Variants in PCDHGA3 observed in about 807,000 individuals in gnomAD.
PCDHGA3 encodes protocadherin gamma-A3.
A neutral mutation model predicts 58.5 loss-of-function variants in PCDHGA3; 40 were observed. That is an observed-to-expected ratio of 0.68 (90% CI 0.53 to 0.89). The LOEUF (loss-of-function observed/expected upper bound fraction) is 0.89. Among genes scored for constraint, PCDHGA3 ranks in the 40% least tolerant of loss-of-function variants. The probability of loss-of-function intolerance (pLI) is 0.00; values close to 1 mark genes in which losing one functional copy is unlikely to be tolerated. For synonymous variants in PCDHGA3, 530 were observed against 525.7 expected (o/e 1.01, Z -0.11); for missense variants, 1,223 against 1,195.9 (o/e 1.02, Z -0.33).
chr5:141,447,449 C>A (rs2098539583), intron 1 of PCDHGA3, among the ~76,000 whole-genome samples: 1 of 152,058 alleles, frequency 6.6e-6, no homozygotes, highest in Non-Finnish European at 1.5e-5. Flanking sequence ...AAATTTTTAA[C>A]CTCAGTTTTT....
chr5:141,358,797 C>A (rs1198975953), intron 1 of PCDHGA3, among the ~76,000 whole-genome samples: 2 of 152,182 alleles, frequency 1.3e-5, no homozygotes, highest in Admixed American at 6.5e-5. Context: ...GGGTTCTGGA[C>A]TGATATGATT....
chr5:141,505,528 C>T (rs746609783), intron 3 of PCDHGA3, 47 bp downstream of exon 3: 4 of 1,612,320 alleles, frequency 2.5e-6, no homozygotes, highest in Non-Finnish European at 3.4e-6. Context: ...ACCTGGGGTT[C>T]TGGGGTGCAT....
At chr5:141,414,481 C>T (rs1011579090) in intron 1 of PCDHGA3, 2 of 1,613,948 alleles carry the variant, frequency 1.2e-6, no homozygotes, top group Non-Finnish European at 1.7e-6. Context: ...AAGTCCTCCT[C>T]TATCAACGGA....
chr5:141,418,669 C>G, intron 1 of PCDHGA3: 1 of 1,614,018 alleles, frequency 6.2e-7, no homozygotes, highest in Non-Finnish European at 8.5e-7. Flanking sequence ...CTGACCAGGA[C>G]GAGGGCATCA....
At chr5:141,484,866 C>T in intron 1 of PCDHGA3, 1 of 275,618 alleles carries the variant, frequency 3.6e-6, no homozygotes, top group Non-Finnish European at 6.8e-6. Flanking sequence ...GGTGGGGGAG[C>T]GTGGAGGATA....
At chr5:141,503,902 C>T (rs552180745) in intron 2 of PCDHGA3, among the ~76,000 whole-genome samples, 7 of 152,328 alleles carry the variant, frequency 4.6e-5, no homozygotes, top group African/African-American at 1.7e-4. Context: ...AATATGCACA[C>T]ACACAACGCA....
At chr5:141,351,644 C>A (rs2149763942) in intron 1 of PCDHGA3, 1 of 1,614,060 alleles carries the variant, frequency 6.2e-7, no homozygotes, top group South Asian at 1.1e-5. Context: ...TGAGAACAAC[C>A]CACCTGGCGC....
chr5:141,487,933 A>ACCCTGTG lies in PCDHGA3; in HGVS notation c.2425-6873_2425-6872insCCTGTGC. 1.6e-6 allele frequency: 1 copy of ACCCTGTG among 612,004 alleles called. No individual in the cohort carries two copies. The highest frequency in any genetic ancestry group is 1.8e-5 in the African/African-American group (1 of 54,216). The allele number at this position is 612,004 out of a possible 1,614,324, so 37.9% of individuals were successfully genotyped here. On this transcript the variant is annotated intron_variant, in intron 1 of 3. Coordinates refer to ENST00000253812, the MANE Select transcript of PCDHGA3 (RefSeq NM_018916.4). The surrounding 1 kb of genome is among the most constrained non-coding windows in gnomAD (Gnocchi z 5.0). ...CACAGGAGGCTACAGTGCACAGGGT[A>ACCCTGTG]CAGTGCACCAGGCAGTCACTTGGAC... is the stretch of plus-strand genomic sequence containing the variant.
chr5:141,478,726 G>A, intron 1 of PCDHGA3: 2 of 1,540,996 alleles, frequency 1.3e-6, no homozygotes, highest in Non-Finnish European at 1.8e-6. Context: ...GCCTGCCAGA[G>A]TGTGGTTTGT....
intron 1 of PCDHGA3, chr5:141,364,370 C>G: frequency 6.4e-7 from 1 of 1,570,908 alleles, no homozygotes; most frequent in South Asian, 1.2e-5. Flanking sequence ...CGGAGAGCTG[C>G]TGCTGCCCTT....
chr5:141,385,870 A>G (rs2150302172), intron 1 of PCDHGA3: 1 of 153,178 alleles, frequency 6.5e-6, no homozygotes, highest in African/African-American at 2.4e-5. Flanking sequence ...AGAAGGTTGG[A>G]TTTATGCCTA....
rs1561856520 is a variant in PCDHGA3 at position 141,431,983 on chromosome 5, A to C, written c.2425-62824A>C. 3.1e-6 allele frequency: 5 copies of C among 1,614,242 alleles called. No homozygotes were observed. Among genetic ancestry groups the C allele is most frequent in the Non-Finnish European group, 4.2e-6 (5 of 1,180,036 alleles). ...ATTACTATAGTTTAGTCACAGACAT[A>C]GTCTTGGATAGGGAACAGGTTCCTA... On this transcript the variant is annotated intron_variant, in intron 1 of 3. Coordinates refer to ENST00000253812, the MANE Select transcript of PCDHGA3 (RefSeq NM_018916.4). The surrounding 1 kb of genome is among the most constrained non-coding windows in gnomAD (Gnocchi z 4.8).
chr5:141,381,725 G>T (rs568567698), intron 1 of PCDHGA3, among the ~76,000 whole-genome samples: 1 of 151,768 alleles, frequency 6.6e-6, no homozygotes, highest in Admixed American at 6.6e-5. Flanking sequence ...AAGACTGGGA[G>T]TGAGAATATT....
intron 1 of PCDHGA3, among the ~76,000 whole-genome samples, chr5:141,472,980 C>CAAAAAAAAAAAAAAAAGAAAAAAA (rs2099308501): frequency 2.3e-5 from 2 of 86,104 alleles, no homozygotes; most frequent in African/African-American, 7.8e-5. Flanking sequence ...GAGTGAAACT[C>CAAAAAAAAAAAAAAAAGAAAAAAA]AAAAAAAAAA....
At chr5:141,427,599 C>T (rs1233253295) in intron 1 of PCDHGA3, 3 of 682,980 alleles carry the variant, frequency 4.4e-6, no homozygotes, top group South Asian at 3.0e-5. Flanking sequence ...CCTCACCCTA[C>T]GCATTGGTGA....
At position 141,490,938 on chromosome 5, in the gene PCDHGA3, C is replaced by T. The variant is rs2099706179; in HGVS notation, c.2425-3869C>T. ...ATGATAATGCCCCAGCTGTGCTGCA[C>T]CCACGGCCAGACTGGGAACACTCAG... On this transcript the variant is annotated intron_variant, in intron 1 of 3. Coordinates refer to ENST00000253812, the MANE Select transcript of PCDHGA3 (RefSeq NM_018916.4). This position sits in a 1 kb window ranked among gnomAD's most constrained non-coding sequence, Gnocchi z 5.4. 6.2e-7 allele frequency: 1 copy of T among 1,613,554 alleles called. No homozygotes were observed. Among genetic ancestry groups the T allele is most frequent in the African/African-American group, 1.3e-5 (1 of 74,934 alleles).
At chr5:141,500,723 G>A (rs6875791) in intron 2 of PCDHGA3, among the ~76,000 whole-genome samples, 4,890 of 152,100 alleles carry the variant, frequency 0.032, 255 homozygotes, top group African/African-American at 0.11. Flanking sequence ...ATTTCCCCAT[G>A]TCTTTCAAAA....
chr5:141,374,215 C>A (rs770866531), intron 1 of PCDHGA3: 22 of 1,613,838 alleles, frequency 1.4e-5, no homozygotes, highest in South Asian at 8.8e-5. Context: ...AAGGCTCCTT[C>A]GTAGGCAACA....
At chr5:141,443,704 C>T (rs894128704) in intron 1 of PCDHGA3, among the ~76,000 whole-genome samples, 6 of 152,102 alleles carry the variant, frequency 3.9e-5, no homozygotes, top group Non-Finnish European at 7.4e-5. Flanking sequence ...TATAGAATAA[C>T]ATTTGCATAT....
Sources: gnomAD v4.1 joint callset for allele counts (sites outside exome capture counted in the v4.1 genomes callset) on GRCh38, gnomAD v4.1.1 for gene constraint, Gnocchi (gnomAD v3.1) non-coding constraint, MANE v1.5 for transcripts, NCBI Gene and HGNC (gene_info 2026-07-23, HGNC 2026-07-21) for gene names.